NAT10: variants seen among roughly 807,000 people sequenced by gnomAD.
NAT10 encodes the protein RNA cytidine acetyltransferase.
Under a neutral mutation model 132.2 loss-of-function variants are expected in NAT10, and 109 were observed. The ratio of observed to expected loss-of-function variants is 0.82; its 90% CI spans 0.71 to 0.97. The LOEUF (loss-of-function observed/expected upper bound fraction) is 0.97, where lower values mean the gene tolerates loss of function less well. Among genes scored for constraint, NAT10 ranks in the 50% least tolerant of loss-of-function variants. The probability of loss-of-function intolerance (pLI) is 0.00; values close to 1 mark genes in which losing one functional copy is unlikely to be tolerated. For missense variants in NAT10, 1,184 were observed against 1,263.4 expected (o/e 0.94, Z 0.95); for synonymous variants, 479 against 478.0 (o/e 1.00, Z -0.03).
Position 34,122,388 on chromosome 11 carries a change from C to T in NAT10, c.781-71C>T. On this transcript the variant is annotated intron_variant, in intron 8 of 28. Coordinates refer to ENST00000257829, the MANE Select transcript of NAT10 (RefSeq NM_024662.3). ...GCCTGGCATCAACCTCACTTCTCCA[C>T]AGTGATGGTGATGAATGGTGGAAAC... is the stretch of plus-strand genomic sequence containing the variant. The T allele has an allele frequency of 1.3e-5, 21 of 1,593,538 alleles. No individual in the cohort carries two copies. In the South Asian group the frequency reaches 1.7e-4, roughly 13 times the overall value.
intron 15 of NAT10, 71 bp from the exon 16 acceptor site, chr11:34,132,955 C>G (rs1293386579): frequency 1.6e-6 from 2 of 1,258,718 alleles, no homozygotes; most frequent in Admixed American, 1.7e-5. Context: ...TCCTGTGGTT[C>G]TGAATCGAAC....
chr11:34,140,825 A>G (rs1327949619), intron 24 of NAT10, among the ~76,000 whole-genome samples: 2 of 152,114 alleles, frequency 1.3e-5, no homozygotes, highest in Non-Finnish European at 1.5e-5. Context: ...ACTCCACCTT[A>G]GCAGAGGTTC....
At chr11:34,127,898 G>A (rs1407423251) in intron 12 of NAT10, among the ~76,000 whole-genome samples, 1 of 152,092 alleles carries the variant, frequency 6.6e-6, no homozygotes, top group African/African-American at 2.4e-5. Flanking sequence ...TACATGGATG[G>A]TGATACCAAT....
At position 34,134,546 on chromosome 11, in the gene NAT10, G is replaced by A; in HGVS notation, c.1871G>A (p.Gly624Glu). 1 of 1,614,208 alleles carries A rather than the reference G, an allele frequency of 6.2e-7. No individual in the cohort carries two copies. Among genetic ancestry groups the A allele is most frequent in the Non-Finnish European group, 8.5e-7 (1 of 1,180,038 alleles). The change falls in exon 18 of 29, where the codon GGA (glycine) becomes GAA (glutamate). Residue 624 changes from glycine to glutamate, a missense_variant. Physicochemically the swap from Gly to Glu is moderately conservative, Grantham distance 98. Transcript: ENST00000257829. ...CCAGACTTTGGTGGTCTGTCTGGTG[G>A]AAGGGTCGTTCGCATTGCTGTTCAC... is the stretch of plus-strand genomic sequence containing the variant. ...QDPDFGGLSG[G>E]RVVRIAVHPD...
At chr11:34,141,408 T>TCTCACACACACACACACA (rs72268617) in intron 25 of NAT10, among the ~76,000 whole-genome samples, 200 bp downstream of exon 25, 1 of 132,868 alleles carries the variant, frequency 7.5e-6, no homozygotes, top group African/African-American at 2.9e-5. Flanking sequence ...TCATCACACA[T>TCTCACACACACACACACA]CACACACACA....
In NAT10 at chr11:34,107,455, C is replaced by T. The variant is rs1851615670; in HGVS notation, c.-15-756C>T. ...AGTAACACGTGAATTTTTTAAGATT[C>T]CACAAAAACAAAAGAACAAAATAAA... On this transcript the variant is annotated intron_variant, in intron 1 of 28. Transcript: ENST00000257829. The T allele has an allele frequency of 2.0e-5, 3 of 152,138 alleles. No individual in the cohort carries two copies. In the South Asian group the frequency reaches 6.2e-4, roughly 31 times the overall value. 9.4% of individuals were successfully genotyped at this position (152,138 alleles called of 1,614,324 possible). A position where few individuals can be genotyped will look rare whatever the true frequency, so the allele number is the denominator to read the frequency against.
intron 27 of NAT10, 93 bp downstream of exon 27, chr11:34,142,441 G>T (rs1852353347): frequency 9.2e-7 from 1 of 1,083,064 alleles, no homozygotes. Flanking sequence ...CACGTGCCCT[G>T]GAAAGTGTCT....
In NAT10 at chr11:34,139,273, C is replaced by T. The variant is rs1852276935; in HGVS notation, c.2294C>T (p.Ala765Val). ...GAGGCTGACCAGGGAGGCTGGCTTG[C>T]AGCCTTCTGGAAAGGTGACTGAGGA... ...EDEADQGGWLAAFWKDFRRRF... is the reference protein window; with the variant it reads ...EDEADQGGWLVAFWKDFRRRF... The change falls in exon 22 of 29, where the codon GCA (alanine) becomes GTA (valine). Residue 765 changes from alanine (A) to valine (V), a missense_variant. Coordinates refer to ENST00000257829, the MANE Select transcript of NAT10 (RefSeq NM_024662.3). 5 of 1,614,024 alleles carry T rather than the reference C, an allele frequency of 3.1e-6. No individual in the cohort carries two copies. Among genetic ancestry groups the T allele is most frequent in the Non-Finnish European group, 4.2e-6 (5 of 1,179,972 alleles).
chr11:34,119,242 A>T (rs1471364216), intron 8 of NAT10, among the ~76,000 whole-genome samples: 1 of 152,214 alleles, frequency 6.6e-6, no homozygotes, highest in Non-Finnish European at 1.5e-5. Flanking sequence ...ATGGGAACTG[A>T]CTGGGCACAG....
At chr11:34,108,604 T>C in intron 2 of NAT10, 138 bp from the exon 3 acceptor site, 1 of 808,098 alleles carries the variant, frequency 1.2e-6, no homozygotes, top group African/African-American at 1.7e-5. Flanking sequence ...AACCTGGTCA[T>C]TGCTCGCCTT....
intron 25 of NAT10, 45 bp downstream of exon 25, chr11:34,141,253 G>A: frequency 6.2e-7 from 1 of 1,610,166 alleles, no homozygotes; most frequent in South Asian, 1.1e-5. Flanking sequence ...CTCAAATAGT[G>A]CAACAAACCC....
At chr11:34,125,652 A>G (rs1851975582) in intron 11 of NAT10, among the ~76,000 whole-genome samples, 1 of 152,202 alleles carries the variant, frequency 6.6e-6, no homozygotes, top group Non-Finnish European at 1.5e-5. Context: ...TTGAGGATGT[A>G]CATTCTGCTG....
chr11:34,136,575 AG>A, intron 19 of NAT10, 66 bp from the exon 20 acceptor site: 1 of 1,596,686 alleles, frequency 6.3e-7, no homozygotes, highest in Non-Finnish European at 8.6e-7. Context: ...GCGCTGCGGC[AG>A]GGTGCTTGAC....
At chr11:34,128,983 T>C (rs1003298255) in intron 12 of NAT10, among the ~76,000 whole-genome samples, 3 of 152,234 alleles carry the variant, frequency 2.0e-5, no homozygotes, top group African/African-American at 7.2e-5. Context: ...ATTTCATTCC[T>C]TTTTATGGTT....
At chr11:34,115,947 A>G in intron 6 of NAT10, 63 bp downstream of exon 6, 4 of 1,547,272 alleles carry the variant, frequency 2.6e-6, no homozygotes, top group East Asian at 2.3e-5. Context: ...TTTATCTTGG[A>G]CTCAACTGAA....
chr11:34,140,376 T>A, intron 23 of NAT10, 24 bp from the exon 24 acceptor site: 1 of 1,605,290 alleles, frequency 6.2e-7, no homozygotes, highest in South Asian at 1.1e-5. Flanking sequence ...ACCTAACCTG[T>A]CTAGCTCTCT....
intron 11 of NAT10, among the ~76,000 whole-genome samples, chr11:34,125,708 A>C (rs1851976996): frequency 6.6e-6 from 1 of 152,142 alleles, no homozygotes; most frequent in Admixed American, 6.6e-5. Flanking sequence ...CATGGCTCTA[A>C]TCCCAGCGCT....
intron 9 of NAT10, among the ~76,000 whole-genome samples, chr11:34,123,134 G>A (rs1240241598): frequency 6.6e-6 from 1 of 152,146 alleles, no homozygotes; most frequent in African/African-American, 2.4e-5. Flanking sequence ...GTTTGCCTTT[G>A]TGCATTATCT....
At chr11:34,142,769 A>G (rs985133321) in intron 27 of NAT10, among the ~76,000 whole-genome samples, 2 of 152,190 alleles carry the variant, frequency 1.3e-5, no homozygotes, top group East Asian at 1.9e-4. Flanking sequence ...TGGGAATCCT[A>G]GTCCCTTTTG....
Sources: gnomAD v4.1 joint callset for allele counts (sites outside exome capture counted in the v4.1 genomes callset) on GRCh38, gnomAD v4.1.1 for gene constraint, MANE v1.5 for transcripts, NCBI Gene and HGNC (gene_info 2026-07-23, HGNC 2026-07-21) for gene names.